Variants in DNAH6 observed in about 807,000 individuals in gnomAD.
DNAH6 encodes axonemal beta dynein heavy chain 6.
DNAH6 carries 340 observed loss-of-function variants against 491.4 expected under a neutral mutation model. That is an observed-to-expected ratio of 0.69 (90% confidence interval 0.63 to 0.76). DNAH6 has a LOEUF of 0.76. DNAH6 is among the 30% of genes least tolerant of loss of function. The probability of loss-of-function intolerance (pLI) is 0.00; values close to 1 mark genes in which losing one functional copy is unlikely to be tolerated. For synonymous variants in DNAH6, 1,603 were observed against 1,686.1 expected, an observed-to-expected ratio of 0.95 and a Z score of 1.21; for missense variants, 4,443 against 4,972.2, an observed-to-expected ratio of 0.89 and a Z score of 3.20.
chr2:84,488,400 A>T, the DNAH6 span, among the ~76,000 whole-genome samples: 2 of 141,024 alleles, frequency 1.4e-5, no homozygotes, highest in East Asian at 2.0e-4. Flanking sequence ...AAATAAAAAA[A>T]TAAAAAAATT....
Position 84,547,499 on chromosome 2 carries a change from A to G in DNAH6, c.1073A>G (p.Glu358Gly), listed in dbSNP as rs1678894918. ...ATATTCAACAATATCTAGGTGACAGAACGCCTAGGAGAATTTCGAAATGAG... is the reference window on the plus strand; with the variant it reads ...ATATTCAACAATATCTAGGTGACAGGACGCCTAGGAGAATTTCGAAATGAG... ...AQVIRLAEVT[E>G]RLGEFRNEAK... is the part of the protein sequence containing the mutation. Residue 358 changes from glutamate to glycine, a missense_variant, in exon 7 of 77, where the codon GAA becomes GGA. Around this residue, in one of 3 missense-constraint regions of DNAH6, gnomAD observed 2,977 missense variants for 3,296.6 expected, o/e 0.90. Transcript: ENST00000389394. 1.3e-6 allele frequency: 2 copies of G among 1,551,586 alleles called. No homozygotes were observed. Among genetic ancestry groups the G allele is most frequent in the Admixed American group, 3.9e-5 (2 of 50,980 alleles).
chr2:84,743,459 C>T (rs566837774), intron 62 of DNAH6, among the ~76,000 whole-genome samples: 1 of 152,270 alleles, frequency 6.6e-6, no homozygotes, highest in South Asian at 2.1e-4. Flanking sequence ...CAGAAACTTC[C>T]TAATTGCCTT....
In DNAH6 at chr2:84,703,574, T is replaced by C; in HGVS notation, c.8229+12T>C. The C allele has an allele frequency of 6.5e-7, 1 of 1,533,642 alleles. No homozygotes were observed. ...AAAGTGCCGATCAGGTATGCTGCAGTTCCTGAGAATGTGGAAAAGGCTTCT... is the reference window on the plus strand; with the variant it reads ...AAAGTGCCGATCAGGTATGCTGCAGCTCCTGAGAATGTGGAAAAGGCTTCT... On this transcript the variant is annotated intron_variant, in intron 50 of 76. Coordinates refer to ENST00000389394, the MANE Select transcript of DNAH6 (RefSeq NM_001370.2).
chr2:84,551,063 A>T (rs1332484848), intron 9 of DNAH6, among the ~76,000 whole-genome samples: 1 of 152,162 alleles, frequency 6.6e-6, no homozygotes, highest in African/African-American at 2.4e-5. Context: ...TCTTTCCAGA[A>T]TACCTACATG....
chr2:84,795,829 A>G (rs936041972), intron 68 of DNAH6, among the ~76,000 whole-genome samples: 1 of 152,204 alleles, frequency 6.6e-6, no homozygotes, highest in Non-Finnish European at 1.5e-5. Flanking sequence ...TTTTGCTTTG[A>G]ATCTATCTTT....
chr2:84,515,574 A>G (rs1675534081), upstream of DNAH6, among the ~76,000 whole-genome samples: 1 of 152,258 alleles, frequency 6.6e-6, no homozygotes. Flanking sequence ...ACATAGAGCA[A>G]GAAACAAATA....
intron 29 of DNAH6, among the ~76,000 whole-genome samples, chr2:84,625,854 G>A: frequency 6.6e-6 from 1 of 152,102 alleles, no homozygotes; most frequent in South Asian, 2.1e-4. Context: ...AACATTTGAA[G>A]AAAATCTAAC....
chr2:84,793,164 C>A (rs1030795499), intron 68 of DNAH6, among the ~76,000 whole-genome samples: 1 of 152,160 alleles, frequency 6.6e-6, no homozygotes, highest in African/African-American at 2.4e-5. Flanking sequence ...CCAGACCAGG[C>A]AGTGGCATGG....
At chr2:84,743,733 A>T (rs866464702) in intron 62 of DNAH6, among the ~76,000 whole-genome samples, 5 of 152,190 alleles carry the variant, frequency 3.3e-5, no homozygotes, top group South Asian at 2.1e-4. Context: ...GAGGCTGGAG[A>T]ATTGCTTGAA....
rs113623265 is a variant in DNAH6, at chr2:84,777,082, C to G, written c.10704-4411C>G. On this transcript the variant is annotated intron_variant, in intron 64 of 76. Transcript: ENST00000389394. The stretch of plus-strand genomic sequence containing the variant: ...AACACAGGAAGGGAAACATCACATA[C>G]TGGGGCCTGTTGTGGGGTGGCAGGA... Among the ~76,000 whole-genome samples the G allele has an allele frequency of 2.8e-4, 42 of 152,256 alleles. 1 individual carries two copies. Among genetic ancestry groups the G allele is most frequent in the African/African-American group, 9.4e-4 (39 of 41,540 alleles).
chr2:84,591,120 C>T (rs910005963), intron 16 of DNAH6, among the ~76,000 whole-genome samples: 3 of 152,146 alleles, frequency 2.0e-5, no homozygotes, highest in Non-Finnish European at 4.4e-5. Flanking sequence ...CAGGGGACTG[C>T]TCAAGGGACA....
At chr2:84,551,882 T>C (rs1292024369) in intron 9 of DNAH6, among the ~76,000 whole-genome samples, 1 of 152,126 alleles carries the variant, frequency 6.6e-6, no homozygotes, top group African/African-American at 2.4e-5. Flanking sequence ...ACGCCATCTC[T>C]ACCAAAAATA....
the DNAH6 span, among the ~76,000 whole-genome samples, chr2:84,469,074 G>A: frequency 1.1e-3 from 166 of 152,280 alleles, no homozygotes; most frequent in East Asian, 5.0e-3. The surrounding 1 kb of genome is among the most constrained non-coding windows in gnomAD (Gnocchi z 4.0). Context: ...CAAATTCATA[G>A]CACAAAATAT....
intron 64 of DNAH6, among the ~76,000 whole-genome samples, chr2:84,768,916 T>G (rs1474281304): frequency 6.6e-6 from 1 of 152,178 alleles, no homozygotes; most frequent in Admixed American, 6.5e-5. Context: ...ATTCCAAAAA[T>G]CTATCTCTAC....
chr2:84,493,569 A>G, the DNAH6 span, among the ~76,000 whole-genome samples: 1 of 152,214 alleles, frequency 6.6e-6, no homozygotes. Context: ...AAACTCAACA[A>G]ATGCTGAAAA....
Position 84,611,706 on chromosome 2 carries a change from C to T in DNAH6, c.3327C>T (p.Leu1109=), listed in dbSNP as rs893034258. The T allele has an allele frequency of 4.6e-5, 72 of 1,550,804 alleles. No homozygotes were observed. Among genetic ancestry groups the T allele is most frequent in the Non-Finnish European group, 6.1e-5 (70 of 1,146,502 alleles). ...GGCTGACCTGCCAGAGAAACTGGCTCTACCTAGAAAGTATTTTCAATGCTC... is the reference window on the plus strand; with the variant it reads ...GGCTGACCTGCCAGAGAAACTGGCTTTACCTAGAAAGTATTTTCAATGCTC... ...EEWLTCQRNW[L]YLESIFNAPD... The change falls in exon 22 of 77, where the codon CTC becomes CTT. Residue 1109 remains leucine (L), a synonymous_variant. Transcript: ENST00000389394.
At chr2:84,499,800 T>C in the DNAH6 span, among the ~76,000 whole-genome samples, 4 of 152,216 alleles carry the variant, frequency 2.6e-5, no homozygotes, top group Non-Finnish European at 5.9e-5. Context: ...GTGGAACACC[T>C]TTTCATATGC....
chr2:84,573,704 C>T, intron 12 of DNAH6, 117 bp downstream of exon 12: 1 of 824,268 alleles, frequency 1.2e-6, no homozygotes, highest in Non-Finnish European at 1.8e-6. Context: ...AAGAGTTGGC[C>T]TGACATAAGG....
the DNAH6 span, among the ~76,000 whole-genome samples, chr2:84,460,538 C>T: frequency 2.0e-5 from 3 of 152,264 alleles, no homozygotes; most frequent in East Asian, 5.8e-4. Flanking sequence ...AATATAATTT[C>T]AGTACACTTT....
Sources: allele counts gnomAD v4.1 joint callset (sites outside exome capture counted in the v4.1 genomes callset), GRCh38; gene constraint gnomAD v4.1.1; regional missense constraint gnomAD v4.1.1; non-coding constraint Gnocchi (gnomAD v3.1); transcripts MANE v1.5; gene names NCBI Gene and HGNC (gene_info 2026-07-23, HGNC 2026-07-21).